The following PRR5L variants were observed in gnomAD, a reference collection of about 807,000 sequenced individuals.
The protein encoded by PRR5L is proline-rich protein 5-like.
PRR5L carries 21 observed loss-of-function variants against 36.4 expected under a neutral mutation model. The ratio of observed to expected loss-of-function variants is 0.58; its 90% CI spans 0.41 to 0.83. The LOEUF is 0.83. Among genes scored for constraint, PRR5L ranks in the 40% least tolerant of loss-of-function variants. The pLI, the probability that PRR5L is intolerant of heterozygous loss-of-function variation, is 0.00. For missense variants in PRR5L, 381 were observed against 473.3 expected (o/e 0.80, Z 1.81); for synonymous variants, 188 against 197.0 (o/e 0.95, Z 0.38).
At chr11:36,378,082 G>A (rs1449589054) in intron 1 of PRR5L, among the ~76,000 whole-genome samples, 1 of 152,176 alleles carries the variant, frequency 6.6e-6, no homozygotes, top group South Asian at 2.1e-4. Flanking sequence ...GTAGAAATTT[G>A]CAGTCATGAC....
chr11:36,344,844 T>TA lies in PRR5L; in HGVS notation c.-126+48407dup, dbSNP rs1446097941. 6.6e-6 allele frequency among the ~76,000 whole-genome samples: 1 copy of TA among 152,196 alleles called. No homozygotes were observed. The highest frequency in any genetic ancestry group is 1.5e-5 in the Non-Finnish European group (1 of 68,032). ...ACCAGTAAGGAAGGGGCAGCACAAA[T>TA]ACCCATGGAGCTCCTCCTTGACTAT... On this transcript the variant is annotated intron_variant, in intron 1 of 8. Coordinates refer to ENST00000530639, the MANE Select transcript of PRR5L (RefSeq NM_001160167.2). This position sits in a 1 kb window ranked among gnomAD's most constrained non-coding sequence, Gnocchi z 4.1.
chr11:36,434,654 C>G (rs957964579), intron 5 of PRR5L, among the ~76,000 whole-genome samples: 3 of 152,152 alleles, frequency 2.0e-5, no homozygotes, highest in African/African-American at 7.2e-5. Flanking sequence ...CATTAGAGGG[C>G]AGATTTATAG....
intron 1 of PRR5L, among the ~76,000 whole-genome samples, chr11:36,358,445 C>A (rs974391147): frequency 6.6e-6 from 1 of 152,160 alleles, no homozygotes; most frequent in African/African-American, 2.4e-5. Context: ...TCACTGAAGC[C>A]TCAGATGATC....
intron 1 of PRR5L, among the ~76,000 whole-genome samples, chr11:36,306,149 G>T (rs748691014): frequency 6.6e-6 from 1 of 151,838 alleles, no homozygotes; most frequent in African/African-American, 2.4e-5. Flanking sequence ...TGCACAACGC[G>T]CAGGTTTGAT....
At chr11:36,372,258 C>T (rs912251962) in intron 1 of PRR5L, among the ~76,000 whole-genome samples, 8 of 151,994 alleles carry the variant, frequency 5.3e-5, no homozygotes, top group Non-Finnish European at 8.8e-5. Context: ...TCTGGTTAGG[C>T]TCTGTGCGGG....
chr11:36,439,313 G>A (rs535411688), intron 6 of PRR5L, among the ~76,000 whole-genome samples: 2 of 152,178 alleles, frequency 1.3e-5, no homozygotes, highest in East Asian at 3.9e-4. Flanking sequence ...CATAGCCCCA[G>A]TATAGTCAAG....
intron 3 of PRR5L, among the ~76,000 whole-genome samples, chr11:36,409,784 G>A (rs1857987638): frequency 6.6e-6 from 1 of 152,196 alleles, no homozygotes; most frequent in Admixed American, 6.5e-5. Flanking sequence ...CCCACACCCT[G>A]TGAGATAGAT....
At chr11:36,430,576 T>A (rs1398542382) in intron 4 of PRR5L, among the ~76,000 whole-genome samples, 1 of 152,224 alleles carries the variant, frequency 6.6e-6, no homozygotes, top group Non-Finnish European at 1.5e-5. Context: ...CATTCACTAC[T>A]GACTCTCAGC....
rs142994265 is a variant in PRR5L at position 36,457,561 on chromosome 11, G to A, written c.713-4781G>A. 1.9e-3 allele frequency among the ~76,000 whole-genome samples: 291 copies of A among 151,352 alleles called. 2 individuals are homozygous for A. Among genetic ancestry groups the A allele is most frequent in the African/African-American group, 6.6e-3 (273 of 41,240 alleles). On this transcript the variant is annotated intron_variant, in intron 8 of 8. Transcript: ENST00000530639. ...GCAGCGCTTGTAGTGAGCCAAGTTC[G>A]CGCCACTGCACTCCAGCCTGGGCAA... is the stretch of plus-strand genomic sequence containing the variant.
At chr11:36,419,406 A>T in intron 4 of PRR5L, 103 bp downstream of exon 4, 1 of 987,048 alleles carries the variant, frequency 1.0e-6, no homozygotes, top group Non-Finnish European at 1.6e-6. Context: ...TTCAACAGAC[A>T]AAATTACGTA....
intron 4 of PRR5L, among the ~76,000 whole-genome samples, chr11:36,427,415 C>CA (rs1858405313): frequency 1.3e-5 from 2 of 152,016 alleles, no homozygotes; most frequent in South Asian, 4.1e-4. Context: ...TTGGTGCCAT[C>CA]AGGCAAGGAG....
chr11:36,326,214 A>C (rs1443920629), intron 1 of PRR5L, among the ~76,000 whole-genome samples: 1 of 151,908 alleles, frequency 6.6e-6, no homozygotes, highest in Non-Finnish European at 1.5e-5. Context: ...CCTCCAATAT[A>C]CACCCTTTCC....
intron 3 of PRR5L, among the ~76,000 whole-genome samples, chr11:36,405,306 T>G (rs977629985): frequency 4.6e-5 from 7 of 152,240 alleles, no homozygotes; most frequent in African/African-American, 1.7e-4. Context: ...CAAGAAGAAC[T>G]GGAAATTGAG....
intron 6 of PRR5L, among the ~76,000 whole-genome samples, chr11:36,440,489 A>G (rs1858697554): frequency 6.6e-6 from 1 of 152,182 alleles, no homozygotes; most frequent in African/African-American, 2.4e-5. Context: ...GGTGAGTGCT[A>G]TAACTACCCA....
intron 1 of PRR5L, among the ~76,000 whole-genome samples, chr11:36,348,706 G>T (rs1856892203): frequency 6.6e-6 from 1 of 152,052 alleles, no homozygotes; most frequent in East Asian, 1.9e-4. Context: ...ATGAATAATT[G>T]ATGCCAAGTT....
chr11:36,374,121 T>G, intron 1 of PRR5L, among the ~76,000 whole-genome samples: 1 of 103,208 alleles, frequency 9.7e-6, no homozygotes, highest in South Asian at 3.3e-4. Flanking sequence ...TCTCTCTCTC[T>G]CTTTCTTTCT....
intron 4 of PRR5L, among the ~76,000 whole-genome samples, chr11:36,426,902 C>A (rs1019086448): frequency 6.6e-6 from 1 of 152,182 alleles, no homozygotes; most frequent in African/African-American, 2.4e-5. Context: ...CTCCCTGTAC[C>A]TAGCCTTCTT....
intron 1 of PRR5L, among the ~76,000 whole-genome samples, chr11:36,345,373 T>C (rs559992002): frequency 6.6e-6 from 1 of 152,226 alleles, no homozygotes; most frequent in Non-Finnish European, 1.5e-5. Context: ...GGGAACATGA[T>C]TGCAGTGTGT....
At position 36,403,367 on chromosome 11, in the gene PRR5L, C is replaced by A; in HGVS notation, c.234C>A (p.Asn78Lys). 1 of 1,613,650 alleles carries A rather than the reference C, an allele frequency of 6.2e-7. No individual in the cohort carries two copies. Among genetic ancestry groups the A allele is most frequent in the Non-Finnish European group, 8.5e-7 (1 of 1,179,842 alleles). The change falls in exon 3 of 9, where the codon AAC becomes AAA. Residue 78 changes from asparagine (N) to lysine (K), a missense_variant. Coordinates refer to ENST00000530639, the MANE Select transcript of PRR5L (RefSeq NM_001160167.2). ...GLQSNELYALNENIRRLLKSE... is the reference protein window; with the variant it reads ...GLQSNELYALKENIRRLLKSE... ...AAAGCAACGAGCTCTATGCCCTGAA[C>A]GAAAACATCAGGTATGTGGCAGGCC...
Sources: allele counts gnomAD v4.1 joint callset (sites outside exome capture counted in the v4.1 genomes callset), GRCh38; gene constraint gnomAD v4.1.1; non-coding constraint Gnocchi (gnomAD v3.1); transcripts MANE v1.5; gene names NCBI Gene and HGNC (gene_info 2026-07-23, HGNC 2026-07-21).